Variants in TMED5 observed in about 807,000 individuals in gnomAD.
TMED5 encodes transmembrane p24 trafficking protein 5.
Under a neutral mutation model 23.0 loss-of-function variants are expected in TMED5, and 27 were observed. The ratio of observed to expected loss-of-function variants is 1.17; its 90% CI spans 0.86 to 1.62. TMED5 has a LOEUF of 1.62. TMED5 is among the 40% of genes most tolerant of loss of function. The pLI is 0.00. For missense variants in TMED5, 248 were observed against 273.7 expected (o/e 0.91, Z 0.66); for synonymous variants, 97 against 100.8 (o/e 0.96, Z 0.23).
At chr1:93,166,522 G>A (rs1255783516) in intron 1 of TMED5, among the ~76,000 whole-genome samples, 5 of 152,116 alleles carry the variant, frequency 3.3e-5, no homozygotes, top group Non-Finnish European at 1.5e-5. Context: ...CAATGATGTT[G>A]AGCACATTTT....
chr1:93,160,082 C>A, intron 2 of TMED5, 47 bp downstream of exon 2: 1 of 1,141,552 alleles, frequency 8.8e-7, no homozygotes, highest in South Asian at 1.3e-5. Flanking sequence ...GCAGATAACC[C>A]ACTGGTATTA....
rs963771880 is a variant in TMED5 at position 93,152,786 on chromosome 1, C to A, written c.*1884G>T. 1 of 152,486 alleles carries A rather than the reference C, an allele frequency of 6.6e-6. No individual in the cohort carries two copies. The highest frequency in any genetic ancestry group is 6.6e-5 in the Admixed American group (1 of 15,262). The allele number at this position is 152,486 out of a possible 1,614,324, so 9.4% of individuals were successfully genotyped here. On this transcript the variant is annotated 3_prime_UTR_variant, in exon 4 of 4. Transcript: ENST00000370282. Reference sequence around the variant, plus strand: ...GGTACTGTAAATTTGCTTCTCATTGCAAATTTAACAGCGCAAAAGGGAGGG... The same window carrying A: ...GGTACTGTAAATTTGCTTCTCATTGAAAATTTAACAGCGCAAAAGGGAGGG...
intron 1 of TMED5, among the ~76,000 whole-genome samples, chr1:93,172,496 C>T (rs1401002465): frequency 1.3e-5 from 2 of 152,036 alleles, no homozygotes; most frequent in African/African-American, 2.4e-5. Flanking sequence ...GAATTAGGTA[C>T]AAATCTACCA....
At chr1:93,155,462 G>C (rs1368050874) in intron 3 of TMED5, among the ~76,000 whole-genome samples, 2 of 151,742 alleles carry the variant, frequency 1.3e-5, no homozygotes, top group African/African-American at 4.8e-5. Context: ...ATTCTGAGTG[G>C]CATAGCATCA....
In TMED5 at chr1:93,179,799, T is replaced by G. The variant is rs116696726; in HGVS notation, c.189+255A>C. 1.4e-3 allele frequency: 680 copies of G among 482,456 alleles called. 1 individual carries two copies. Among genetic ancestry groups the G allele is most frequent in the African/African-American group, 0.012 (587 of 48,852 alleles). 29.9% of individuals were successfully genotyped at this position (482,456 alleles called of 1,614,324 possible). On this transcript the variant is annotated intron_variant, in intron 1 of 3. Transcript: ENST00000370282. ...GAAAAGCCAGCGACATCACCAGTTCTGGCCTCCTTCCCACCGGAGGAAAGG... is the reference window on the plus strand; with the variant it reads ...GAAAAGCCAGCGACATCACCAGTTCGGGCCTCCTTCCCACCGGAGGAAAGG...
At chr1:93,178,007 GTTT>G (rs1464475879) in intron 1 of TMED5, among the ~76,000 whole-genome samples, 2 of 152,092 alleles carry the variant, frequency 1.3e-5, no homozygotes, top group Non-Finnish European at 2.9e-5. Context: ...AATACAAATT[GTTT>G]TCTTATCTAG....
rs956167619 is a variant in TMED5, at chr1:93,154,222, C to T, written c.*448G>A. ...TTTGTAGTCTAAAGATTTATTCAAT[C>T]CATCATTAGGTAATTCTCAGGTGAT... On this transcript the variant is annotated 3_prime_UTR_variant, in exon 4 of 4. Transcript: ENST00000370282. The T allele has an allele frequency of 4.5e-5, 7 of 156,356 alleles. No homozygotes were observed. In the Admixed American group the frequency reaches 4.5e-4, roughly 10 times the overall value. The allele number at this position is 156,356 out of a possible 1,614,324, so 9.7% of individuals were successfully genotyped here.
chr1:93,161,566 G>C (rs1163436786), intron 1 of TMED5: 1 of 152,154 alleles, frequency 6.6e-6, no homozygotes, highest in African/African-American at 2.4e-5. Context: ...TCATTGCCAA[G>C]GTCTCATTTT....
intron 1 of TMED5, 64 bp downstream of exon 1, chr1:93,179,990 T>G: frequency 1.3e-6 from 2 of 1,513,458 alleles, no homozygotes; most frequent in Non-Finnish European, 1.8e-6. Context: ...TCTAAACGGG[T>G]GAGAGGCGAC....
chr1:93,179,993 G>C, intron 1 of TMED5, 61 bp downstream of exon 1: 4 of 1,525,196 alleles, frequency 2.6e-6, no homozygotes, highest in Non-Finnish European at 3.6e-6. Context: ...AAACGGGTGA[G>C]AGGCGACAAC....
At chr1:93,179,160 G>A (rs1649105180) in intron 1 of TMED5, among the ~76,000 whole-genome samples, 1 of 152,112 alleles carries the variant, frequency 6.6e-6, no homozygotes, top group East Asian at 1.9e-4. Flanking sequence ...TCGGGAGTTC[G>A]AGACCAGCCT....
At chr1:93,165,671 A>G (rs1465414396) in intron 1 of TMED5, among the ~76,000 whole-genome samples, 2 of 152,262 alleles carry the variant, frequency 1.3e-5, no homozygotes, top group East Asian at 1.9e-4. Flanking sequence ...TTGGGTATCC[A>G]TCCCCTCAAG....
At chr1:93,175,376 ATATT>A (rs1648879389) in intron 1 of TMED5, among the ~76,000 whole-genome samples, 1 of 146,680 alleles carries the variant, frequency 6.8e-6, no homozygotes, top group African/African-American at 2.5e-5. Context: ...TTTTATATAC[ATATT>A]TATATATACA....
chr1:93,171,620 T>C (rs1648737790), intron 1 of TMED5, among the ~76,000 whole-genome samples: 1 of 152,190 alleles, frequency 6.6e-6, no homozygotes, highest in African/African-American at 2.4e-5. Flanking sequence ...TGGTGAATCC[T>C]ACCAAACATT....
rs560266294 is a variant in TMED5 at position 93,149,889 on chromosome 1, C to A, written c.*4781G>T. The stretch of plus-strand genomic sequence containing the variant: ...AAAACAGGCCGGACATGGTGGCTCA[C>A]GCCTGTAATCTCAGCACTTGGGAAG... On this transcript the variant is annotated 3_prime_UTR_variant, in exon 4 of 4. Transcript: ENST00000370282. The A allele has an allele frequency of 6.6e-6, 1 of 152,188 alleles. No homozygotes were observed. The highest frequency in any genetic ancestry group is 1.5e-5 in the Non-Finnish European group (1 of 68,034). 9.4% of individuals were successfully genotyped at this position (152,188 alleles called of 1,614,324 possible).
chr1:93,168,813 C>T (rs1029708066), intron 1 of TMED5, among the ~76,000 whole-genome samples: 1 of 152,016 alleles, frequency 6.6e-6, no homozygotes, highest in Admixed American at 6.6e-5. Flanking sequence ...AGAGCCTGGG[C>T]GACAGAGCGA....
chr1:93,156,463 T>C lies in TMED5; in HGVS notation c.308A>G (p.Asp103Gly). 1 of 1,613,664 alleles carries C rather than the reference T, an allele frequency of 6.2e-7. No individual in the cohort carries two copies. The highest frequency in any genetic ancestry group is 8.5e-7 in the Non-Finnish European group (1 of 1,179,710). ...TGTATTGTCAAAGCAGAACATGTAATCACCAACTTCAGTCTCTACACTGTA... is the reference window on the plus strand; with the variant it reads ...TGTATTGTCAAAGCAGAACATGTAACCACCAACTTCAGTCTCTACACTGTA... Reference protein sequence around the residue: ...GVHTVETEVGDYMFCFDNTFS... With the variant: ...GVHTVETEVGGYMFCFDNTFS... Residue 103 changes from aspartate to glycine, a missense_variant, in exon 3 of 4, where the codon GAT becomes GGT. Transcript: ENST00000370282.
Position 93,152,331 on chromosome 1 carries a change from T to C in TMED5, c.*2339A>G, listed in dbSNP as rs748179577. The stretch of plus-strand genomic sequence containing the variant: ...ATGAGCTGTTAAGTGATAAACAGCT[T>C]ACTCAATTTAGCATAACTTTAATTT... On this transcript the variant is annotated 3_prime_UTR_variant, in exon 4 of 4. Transcript: ENST00000370282. 6.6e-6 allele frequency: 1 copy of C among 152,526 alleles called. No individual in the cohort carries two copies. Among genetic ancestry groups the C allele is most frequent in the Non-Finnish European group, 1.5e-5 (1 of 68,018 alleles). 9.4% of individuals were successfully genotyped at this position (152,526 alleles called of 1,614,324 possible).
chr1:93,168,510 C>T (rs188838422), intron 1 of TMED5, among the ~76,000 whole-genome samples: 2 of 152,300 alleles, frequency 1.3e-5, no homozygotes, highest in East Asian at 3.9e-4. Context: ...AGAAAGACGA[C>T]TTCAGAATAA....
Sources: gnomAD v4.1 joint callset for allele counts (sites outside exome capture counted in the v4.1 genomes callset) on GRCh38, gnomAD v4.1.1 for gene constraint, MANE v1.5 for transcripts, NCBI Gene and HGNC (gene_info 2026-07-23, HGNC 2026-07-21) for gene names.